DEFB123: variants seen among roughly 807,000 people sequenced by gnomAD.
DEFB123 encodes the protein defensin beta 123.
For synonymous variants in DEFB123, 22 were observed against 28.3 expected, an observed-to-expected ratio of 0.78 and a Z score of 0.71; for missense variants, 71 against 75.0, an observed-to-expected ratio of 0.95 and a Z score of 0.20.
intron 1 of DEFB123, among the ~76,000 whole-genome samples, chr20:31,449,717 C>T (rs751335247): frequency 1.5e-5 from 2 of 135,442 alleles, no homozygotes; most frequent in Non-Finnish European, 3.0e-5. Context: ...TGCAGTGAGC[C>T]AGAATCATTC....
intron 1 of DEFB123, among the ~76,000 whole-genome samples, chr20:31,449,767 CAAAA>C (rs59939526): frequency 1.1e-4 from 6 of 52,482 alleles, no homozygotes; most frequent in Admixed American, 2.7e-4. Context: ...AGACTCATCT[CAAAA>C]AAAAAAAAAA....
chr20:31,446,380 A>G (rs1370921398), intron 1 of DEFB123, among the ~76,000 whole-genome samples: 1 of 152,200 alleles, frequency 6.6e-6, no homozygotes, highest in Non-Finnish European at 1.5e-5. Flanking sequence ...AAAACCCCTT[A>G]TCTGACACCA....
chr20:31,448,715 A>AT (rs748282937), intron 1 of DEFB123, among the ~76,000 whole-genome samples: 36 of 151,670 alleles, frequency 2.4e-4, no homozygotes, highest in Non-Finnish European at 4.9e-4. Context: ...ACATATATAT[A>AT]TTTTTTTTTC....
At chr20:31,444,633 T>C (rs925527178) in intron 1 of DEFB123, among the ~76,000 whole-genome samples, 6 of 152,216 alleles carry the variant, frequency 3.9e-5, no homozygotes, top group Non-Finnish European at 7.3e-5. Context: ...CTCTTGACAC[T>C]CTTAAATTAA....
chr20:31,445,538 A>AG (rs1167647200), intron 1 of DEFB123, among the ~76,000 whole-genome samples: 5 of 43,108 alleles, frequency 1.2e-4, no homozygotes, highest in Non-Finnish European at 9.8e-5. Context: ...GTGATCAAAT[A>AG]ATTTTTTTGT....
Position 31,443,069 on chromosome 20 carries a change from GCTGGACCCTTA to G in DEFB123, c.58+2317_58+2327del, listed in dbSNP as rs544682180. ...ATAAGGAGGTGGGGTCAGGTCCTGTGCTGGACCCTTACTGACTTCTGGGATCACGACCCTCG... is the reference window on the plus strand; with the variant it reads ...ATAAGGAGGTGGGGTCAGGTCCTGTGCTGACTTCTGGGATCACGACCCTCG... On this transcript the variant is annotated intron_variant, in intron 1 of 1. Coordinates refer to ENST00000376309, the MANE Select transcript of DEFB123 (RefSeq NM_153324.4). Among the ~76,000 whole-genome samples, 547 of 152,308 alleles carry G rather than the reference GCTGGACCCTTA, an allele frequency of 3.6e-3. 4 individuals are homozygous for G. Among genetic ancestry groups the G allele is most frequent in the African/African-American group, 0.012 (507 of 41,566 alleles).
intron 1 of DEFB123, among the ~76,000 whole-genome samples, chr20:31,444,171 C>T (rs2281554): frequency 0.84 from 128,104 of 152,074 alleles, 54,049 homozygotes; most frequent in African/African-American, 0.89. Flanking sequence ...TGCATCACTT[C>T]AATATTTTCA....
rs202055330 is a variant in DEFB123, at chr20:31,440,666, G to A, written c.-33G>A. 8.7e-5 allele frequency: 140 copies of A among 1,613,216 alleles called. No homozygotes were observed. In the African/African-American group the frequency reaches 1.1e-3, roughly 13 times the overall value. ...CTCCCATTAGCTCAGCCGTGGCATC[G>A]GACTTGCAGCTTCATTTTGGGCTGC... is the stretch of plus-strand genomic sequence containing the variant. On this transcript the variant is annotated 5_prime_UTR_variant, in exon 1 of 2. Coordinates refer to ENST00000376309, the MANE Select transcript of DEFB123 (RefSeq NM_153324.4).
At chr20:31,445,689 G>A (rs961498067) in intron 1 of DEFB123, among the ~76,000 whole-genome samples, 1 of 151,988 alleles carries the variant, frequency 6.6e-6, no homozygotes, top group Non-Finnish European at 1.5e-5. Context: ...ACAGGTGCAC[G>A]CCACCACGCC....
rs140169937 is a variant in DEFB123, at chr20:31,446,903, C to T, written c.59-3126C>T. ...CAGAGTCTGCAGTGAGCCGAGATCA[C>T]GCCACTGTGCTCCAGCCTGGGCGAC... On this transcript the variant is annotated intron_variant, in intron 1 of 1. Transcript: ENST00000376309. Among the ~76,000 whole-genome samples the T allele has an allele frequency of 4.0e-5, 6 of 151,148 alleles. No homozygotes were observed. In the East Asian group the frequency reaches 1.2e-3, roughly 29 times the overall value.
At chr20:31,447,283 A>G (rs562620954) in intron 1 of DEFB123, among the ~76,000 whole-genome samples, 4 of 152,204 alleles carry the variant, frequency 2.6e-5, no homozygotes, top group African/African-American at 9.6e-5. Context: ...AATAATAAAA[A>G]TAAAAATAAA....
intron 1 of DEFB123, among the ~76,000 whole-genome samples, chr20:31,440,981 G>A (rs1437323727): frequency 3.9e-5 from 6 of 152,234 alleles, no homozygotes; most frequent in Admixed American, 2.0e-4. Flanking sequence ...GCTCCAGGGA[G>A]CATGTGGGGG....
At chr20:31,442,008 A>G (rs1600550058) in intron 1 of DEFB123, among the ~76,000 whole-genome samples, 1 of 152,214 alleles carries the variant, frequency 6.6e-6, no homozygotes, top group Non-Finnish European at 1.5e-5. Context: ...TATTTTCTCT[A>G]ACTCACCAAA....
At chr20:31,443,283 T>G (rs1285564856) in intron 1 of DEFB123, among the ~76,000 whole-genome samples, 2 of 152,136 alleles carry the variant, frequency 1.3e-5, no homozygotes, top group Non-Finnish European at 2.9e-5. Flanking sequence ...ACTAGGGGTG[T>G]ACTCTTGGCA....
intron 1 of DEFB123, among the ~76,000 whole-genome samples, chr20:31,447,931 C>T (rs910565754): frequency 6.6e-6 from 1 of 151,920 alleles, no homozygotes; most frequent in Admixed American, 6.6e-5. Context: ...GGATTACAGG[C>T]GCCTGCCACC....
At chr20:31,445,072 G>A (rs1230769792) in intron 1 of DEFB123, among the ~76,000 whole-genome samples, 1 of 152,024 alleles carries the variant, frequency 6.6e-6, no homozygotes. Flanking sequence ...TAAGTCATTT[G>A]ATCTATAACT....
Position 31,440,666 on chromosome 20 carries a change from G to T in DEFB123, c.-33G>T, listed in dbSNP as rs202055330. 1.6e-5 allele frequency: 26 copies of T among 1,613,100 alleles called. No homozygotes were observed. Among genetic ancestry groups the T allele is most frequent in the Non-Finnish European group, 1.9e-5 (23 of 1,179,940 alleles). On this transcript the variant is annotated 5_prime_UTR_variant, in exon 1 of 2. Transcript: ENST00000376309. ...CTCCCATTAGCTCAGCCGTGGCATC[G>T]GACTTGCAGCTTCATTTTGGGCTGC... is the stretch of plus-strand genomic sequence containing the variant.
At chr20:31,442,222 C>T (rs995238453) in intron 1 of DEFB123, among the ~76,000 whole-genome samples, 2 of 152,236 alleles carry the variant, frequency 1.3e-5, no homozygotes, top group African/African-American at 4.8e-5. Flanking sequence ...GATTTCTAAG[C>T]TAATTCAATC....
At chr20:31,444,572 C>T (rs1013082553) in intron 1 of DEFB123, among the ~76,000 whole-genome samples, 18 of 152,204 alleles carry the variant, frequency 1.2e-4, no homozygotes, top group African/African-American at 4.1e-4. Context: ...GTAGGCTCCA[C>T]AGATGCTAAA....
Sources: allele counts gnomAD v4.1 joint callset (sites outside exome capture counted in the v4.1 genomes callset), GRCh38; gene constraint gnomAD v4.1.1; transcripts MANE v1.5; gene names NCBI Gene and HGNC (gene_info 2026-07-23, HGNC 2026-07-21).